The following ANKS1B variants were observed in gnomAD, a reference collection of about 807,000 sequenced individuals.
The protein encoded by ANKS1B is ankyrin repeat and sterile alpha motif domain containing 1B, also known as ankyrin repeat and sterile alpha motif domain-containing protein 1B.
ANKS1B carries 36 observed loss-of-function variants against 148.3 expected under a neutral mutation model. The observed-to-expected ratio is 0.24, with a 90% CI of 0.19 to 0.32. ANKS1B has a LOEUF of 0.32. Among genes scored for constraint, ANKS1B ranks in the 10% least tolerant of loss-of-function variants. The probability of loss-of-function intolerance (pLI) is 1.00; values close to 1 mark genes in which losing one functional copy is unlikely to be tolerated. For synonymous variants in ANKS1B, 542 were observed against 560.8 expected (o/e 0.97, Z 0.47); for missense variants, 1,157 against 1,542.6 (o/e 0.75, Z 4.19).
intron 9 of ANKS1B, among the ~76,000 whole-genome samples, chr12:99,612,540 G>A (rs1363168040): frequency 6.6e-6 from 1 of 152,102 alleles, no homozygotes; most frequent in Non-Finnish European, 1.5e-5. Flanking sequence ...AATCCTCAAA[G>A]TCCAGCTCCA....
chr12:99,034,356 C>T (rs998886747), intron 17 of ANKS1B, among the ~76,000 whole-genome samples: 5 of 152,070 alleles, frequency 3.3e-5, no homozygotes, highest in Non-Finnish European at 7.4e-5. Flanking sequence ...TGGTCTGTCA[C>T]CCAGGCTGGA....
chr12:99,257,383 G>A (rs1482481040), intron 12 of ANKS1B, among the ~76,000 whole-genome samples: 1 of 151,770 alleles, frequency 6.6e-6, no homozygotes, highest in Non-Finnish European at 1.5e-5. Context: ...TTTTTCAAAT[G>A]TATCCTTCAG....
chr12:99,496,598 T>A (rs1045245377), intron 10 of ANKS1B, among the ~76,000 whole-genome samples: 1 of 152,232 alleles, frequency 6.6e-6, no homozygotes, highest in Non-Finnish European at 1.5e-5. Flanking sequence ...TCTGTAGTCA[T>A]GAGGCATTAG....
intron 8 of ANKS1B, among the ~76,000 whole-genome samples, chr12:99,711,105 T>C (rs891509242): frequency 1.3e-5 from 2 of 152,054 alleles, no homozygotes; most frequent in Admixed American, 1.3e-4. Flanking sequence ...CTATAATAAA[T>C]CAAAAAGAGG....
At chr12:99,456,084 A>T (rs2095843481) in intron 10 of ANKS1B, among the ~76,000 whole-genome samples, 1 of 152,152 alleles carries the variant, frequency 6.6e-6, no homozygotes, top group African/African-American at 2.4e-5. Context: ...AGACCTGAAG[A>T]TGGGTCAAAT....
chr12:99,160,675 C>G (rs746913760), intron 14 of ANKS1B, among the ~76,000 whole-genome samples: 1 of 152,046 alleles, frequency 6.6e-6, no homozygotes, highest in Non-Finnish European at 1.5e-5. Flanking sequence ...AGTTTGAGGT[C>G]TTACTTTAAA....
Position 99,905,568 on chromosome 12 carries a change from T to C in ANKS1B, c.134+78536A>G, listed in dbSNP as rs187445434. ...AAAGTTGTATCAGTTGCTGGGGCCATAACCAAGTATTACAGGCTGGGAGGC... is the reference window on the plus strand; with the variant it reads ...AAAGTTGTATCAGTTGCTGGGGCCACAACCAAGTATTACAGGCTGGGAGGC... On this transcript the variant is annotated intron_variant, in intron 1 of 26. Coordinates refer to ENST00000683438, the MANE Select transcript of ANKS1B (RefSeq NM_001352186.2). 5.3e-4 allele frequency among the ~76,000 whole-genome samples: 80 copies of C among 152,324 alleles called. 1 individual carries two copies. The South Asian group carries it at 0.01, about 19-fold the overall frequency.
intron 16 of ANKS1B, among the ~76,000 whole-genome samples, chr12:99,081,135 A>G (rs2049602634): frequency 6.6e-6 from 1 of 152,234 alleles, no homozygotes; most frequent in African/African-American, 2.4e-5. Flanking sequence ...TAAAAAAGAC[A>G]TATTAAAGAA....
intron 9 of ANKS1B, chr12:99,649,206 A>AT (rs1303344645): frequency 2.8e-5 from 30 of 1,080,762 alleles, no homozygotes; most frequent in Non-Finnish European, 4.0e-5. Context: ...TTGTGCAATA[A>AT]TTTCTTTTTG....
At chr12:99,504,329 A>T in intron 10 of ANKS1B, 147 bp downstream of exon 10, 1 of 786,942 alleles carries the variant, frequency 1.3e-6, no homozygotes, top group Non-Finnish European at 2.0e-6. Context: ...ACCTGGACTC[A>T]CTTCAAAATG....
At chr12:99,801,701 G>A (rs1418749342) in intron 4 of ANKS1B, among the ~76,000 whole-genome samples, 1 of 152,128 alleles carries the variant, frequency 6.6e-6, no homozygotes, top group Non-Finnish European at 1.5e-5. Context: ...TTACATCTTT[G>A]CATCCTTATG....
chr12:99,330,451 A>G (rs57859210), intron 12 of ANKS1B, among the ~76,000 whole-genome samples: 1 of 152,086 alleles, frequency 6.6e-6, no homozygotes, highest in African/African-American at 2.4e-5. Context: ...AATGAGATCC[A>G]AACCAGATGA....
At chr12:98,811,863 C>A (rs2099099071) in intron 19 of ANKS1B, among the ~76,000 whole-genome samples, 1 of 152,058 alleles carries the variant, frequency 6.6e-6, no homozygotes, top group Non-Finnish European at 1.5e-5. Flanking sequence ...GGGAATAGAT[C>A]TTCCAATAGT....
chr12:99,912,681 T>C (rs1259565823), intron 1 of ANKS1B, among the ~76,000 whole-genome samples: 2 of 152,126 alleles, frequency 1.3e-5, no homozygotes, highest in Admixed American at 1.3e-4. Context: ...CTGACAAATT[T>C]TACTTTGAGT....
intron 20 of ANKS1B, among the ~76,000 whole-genome samples, chr12:98,802,066 T>C (rs974051344): frequency 1.3e-5 from 2 of 152,194 alleles, no homozygotes; most frequent in East Asian, 3.8e-4. Context: ...TTTGGATTTT[T>C]CCAAAACTCA....
intron 12 of ANKS1B, among the ~76,000 whole-genome samples, chr12:99,311,326 C>T (rs974502149): frequency 6.6e-6 from 1 of 152,134 alleles, no homozygotes. Flanking sequence ...AATGTAGACT[C>T]TGTGGGTGAG....
intron 1 of ANKS1B, among the ~76,000 whole-genome samples, chr12:99,942,942 T>C (rs2094956525): frequency 6.6e-6 from 1 of 152,254 alleles, no homozygotes; most frequent in South Asian, 2.1e-4. Context: ...TATCAGGGTA[T>C]TTGATTCACG....
intron 2 of ANKS1B, among the ~76,000 whole-genome samples, chr12:99,824,624 G>A (rs187080653): frequency 6.6e-6 from 1 of 152,214 alleles, no homozygotes; most frequent in East Asian, 1.9e-4. Flanking sequence ...TTCTGTAGGG[G>A]AGGACAGAAC....
At chr12:98,980,463 C>T (rs181155438) in intron 17 of ANKS1B, among the ~76,000 whole-genome samples, 717 of 152,370 alleles carry the variant, frequency 4.7e-3, no homozygotes, top group African/African-American at 0.016. Flanking sequence ...GCCTCGGCCT[C>T]CCGAAGTGCT....
Sources: allele counts gnomAD v4.1 joint callset (sites outside exome capture counted in the v4.1 genomes callset), GRCh38; gene constraint gnomAD v4.1.1; transcripts MANE v1.5; gene names NCBI Gene and HGNC (gene_info 2026-07-23, HGNC 2026-07-21).